CACNA1A: variants seen among roughly 807,000 people sequenced by gnomAD.
The protein encoded by CACNA1A is calcium voltage-gated channel subunit alpha1 A.
A neutral mutation model predicts 262.4 loss-of-function variants in CACNA1A; 57 were observed. That is an observed-to-expected ratio of 0.22 (90% confidence interval 0.18 to 0.27). The LOEUF (loss-of-function observed/expected upper bound fraction) is 0.27, where lower values mean the gene tolerates loss of function less well. Ranked by LOEUF, CACNA1A falls within the 10% of genes least tolerant of loss-of-function variation. CACNA1A has a pLI of 1.00. For missense variants in CACNA1A, 2,526 were observed against 3,562.8 expected, an observed-to-expected ratio of 0.71 and a Z score of 7.41; for synonymous variants, 1,431 against 1,419.3, an observed-to-expected ratio of 1.01 and a Z score of -0.18.
intron 38 of CACNA1A, among the ~76,000 whole-genome samples, chr19:13,218,477 G>A (rs1007711787): frequency 9.9e-5 from 15 of 152,202 alleles, no homozygotes; most frequent in Non-Finnish European, 1.6e-4. Context: ...AGAATTAAGC[G>A]TTGTCTGTGC....
chr19:13,226,487 G>A (rs1439750361), intron 37 of CACNA1A: 1 of 152,406 alleles, frequency 6.6e-6, no homozygotes, highest in Non-Finnish European at 1.5e-5. Flanking sequence ...AAGGTGGATG[G>A]GAGAATAGGA....
chr19:13,222,181 A>C (rs765537031), intron 38 of CACNA1A, among the ~76,000 whole-genome samples: 8 of 152,156 alleles, frequency 5.3e-5, no homozygotes, highest in Non-Finnish European at 1.2e-4. Context: ...TGCTGGGATT[A>C]CAGGCACACG....
intron 3 of CACNA1A, among the ~76,000 whole-genome samples, chr19:13,402,984 C>T (rs1319165418): frequency 1.4e-5 from 2 of 145,706 alleles, no homozygotes; most frequent in Admixed American, 7.1e-5. Flanking sequence ...ACATCTAGAT[C>T]GTCTGCTCAA....
chr19:13,458,283 C>A (rs1480955492), intron 1 of CACNA1A, among the ~76,000 whole-genome samples: 1 of 152,118 alleles, frequency 6.6e-6, no homozygotes, highest in Non-Finnish European at 1.5e-5. Context: ...CCTCAGCCTC[C>A]TGAGTAGCTG....
chr19:13,358,792 T>G (rs1264202755), intron 6 of CACNA1A, among the ~76,000 whole-genome samples: 2 of 152,186 alleles, frequency 1.3e-5, no homozygotes, highest in African/African-American at 4.8e-5. Flanking sequence ...AAACATGCTG[T>G]GTGCTTCTAC....
intron 36 of CACNA1A, chr19:13,228,971 T>G: frequency 2.5e-6 from 1 of 402,114 alleles, no homozygotes; most frequent in South Asian, 3.0e-5. Flanking sequence ...CCCAGGGGTG[T>G]AGGATGTCAG....
At chr19:13,377,651 C>A (rs1369883259) in intron 3 of CACNA1A, among the ~76,000 whole-genome samples, 1 of 152,122 alleles carries the variant, frequency 6.6e-6, no homozygotes. Context: ...GTGTGAGCCA[C>A]CATGCCCAGC....
intron 22 of CACNA1A, 89 bp downstream of exon 22, chr19:13,283,178 C>A: frequency 6.6e-7 from 1 of 1,525,854 alleles, no homozygotes; most frequent in Non-Finnish European, 8.9e-7. Flanking sequence ...CCCAACATCC[C>A]ACCCTACCTA....
chr19:13,256,087 T>C (rs2056562139), intron 28 of CACNA1A: 1 of 147,338 alleles, frequency 6.8e-6, no homozygotes, highest in African/African-American at 2.5e-5. Flanking sequence ...CCTCCTGGAC[T>C]CAAGTGATCC....
At chr19:13,457,005 T>G (rs2061023547) in intron 1 of CACNA1A, among the ~76,000 whole-genome samples, 1 of 152,084 alleles carries the variant, frequency 6.6e-6, no homozygotes, top group South Asian at 2.1e-4. Context: ...ATCCCAGCAC[T>G]TTGGGAGGCC....
chr19:13,425,402 C>T (rs747442385), intron 3 of CACNA1A, among the ~76,000 whole-genome samples: 4 of 152,088 alleles, frequency 2.6e-5, no homozygotes, highest in Non-Finnish European at 5.9e-5. Flanking sequence ...CCAGGGTACA[C>T]ACGTGTTAGA....
intron 1 of CACNA1A, among the ~76,000 whole-genome samples, chr19:13,478,278 G>C (rs984106513): frequency 6.6e-6 from 1 of 152,108 alleles, no homozygotes; most frequent in African/African-American, 2.4e-5. Context: ...AAAGCTCTAA[G>C]GATGTTCCTT....
chr19:13,374,948 GA>G (rs1409861701), intron 3 of CACNA1A, among the ~76,000 whole-genome samples: 1 of 152,204 alleles, frequency 6.6e-6, no homozygotes, highest in Non-Finnish European at 1.5e-5. Flanking sequence ...TGGGATTATG[GA>G]CGTGAGCCAC....
intron 10 of CACNA1A, 66 bp downstream of exon 10, chr19:13,330,178 C>A: frequency 8.3e-7 from 1 of 1,203,978 alleles, no homozygotes; most frequent in Non-Finnish European, 1.2e-6. Context: ...CCTCTGCCCC[C>A]ACCCCACCAT....
intron 38 of CACNA1A, among the ~76,000 whole-genome samples, chr19:13,219,787 A>G (rs1467712964): frequency 6.6e-6 from 1 of 151,710 alleles, no homozygotes; most frequent in African/African-American, 2.4e-5. Context: ...CCCCGTTTCT[A>G]CTAAAAATAC....
chr19:13,229,056 C>A, intron 36 of CACNA1A: 3 of 171,400 alleles, frequency 1.8e-5, no homozygotes, highest in Non-Finnish European at 2.1e-5. Context: ...ACATGGGCTA[C>A]AGGGGTGGGG....
chr19:13,416,772 G>A (rs1157382457), intron 3 of CACNA1A, among the ~76,000 whole-genome samples: 1 of 152,154 alleles, frequency 6.6e-6, no homozygotes, highest in East Asian at 1.9e-4. Context: ...CTGAGATCGC[G>A]CCACTGCACT....
In CACNA1A at chr19:13,329,653, A is replaced by G. The variant is rs140315455; in HGVS notation, c.1345+591T>C. Reference sequence around the variant, plus strand: ...ACAGGCTAATTTTTTTCGTATTTTTAGTAGAGCCAGGGTTTCACCATGTTG... The same window carrying G: ...ACAGGCTAATTTTTTTCGTATTTTTGGTAGAGCCAGGGTTTCACCATGTTG... On this transcript the variant is annotated intron_variant, in intron 10 of 46. Coordinates refer to ENST00000360228, the MANE Select transcript of CACNA1A (RefSeq NM_001127222.2). Among the ~76,000 whole-genome samples the G allele has an allele frequency of 4.0e-4, 60 of 151,620 alleles. 1 individual carries two copies. The highest frequency in any genetic ancestry group is 1.4e-3 in the African/African-American group (56 of 41,342).
chr19:13,299,662 C>T (rs1450820715), intron 18 of CACNA1A, among the ~76,000 whole-genome samples: 1 of 152,204 alleles, frequency 6.6e-6, no homozygotes. Flanking sequence ...TCTAGTCACA[C>T]AGGCCTCCTT....
Sources: gnomAD v4.1 joint callset for allele counts (sites outside exome capture counted in the v4.1 genomes callset) on GRCh38, gnomAD v4.1.1 for gene constraint, MANE v1.5 for transcripts, NCBI Gene and HGNC (gene_info 2026-07-23, HGNC 2026-07-21) for gene names.